Variants in WIF1 observed in about 807,000 individuals in gnomAD.
WIF1 encodes the protein Wnt inhibitory factor 1.
WIF1 carries 35 observed loss-of-function variants against 53.5 expected under a neutral mutation model. The observed-to-expected ratio is 0.65, with a 90% CI of 0.50 to 0.87. The LOEUF (loss-of-function observed/expected upper bound fraction) is 0.87. WIF1 is among the 40% of genes least tolerant of loss of function. The pLI is 0.00. For synonymous variants in WIF1, 171 were observed against 170.4 expected, an observed-to-expected ratio of 1.00 and a Z score of -0.03; for missense variants, 467 against 476.8, an observed-to-expected ratio of 0.98 and a Z score of 0.19.
chr12:65,108,075 G>A (rs768651212), intron 2 of WIF1, among the ~76,000 whole-genome samples: 4 of 152,146 alleles, frequency 2.6e-5, no homozygotes, highest in South Asian at 4.2e-4. Context: ...TCCCCCAGCC[G>A]AGTTAATGCT....
chr12:65,120,683 G>T, intron 1 of WIF1, 127 bp from the exon 2 acceptor site: 1 of 1,111,472 alleles, frequency 9.0e-7, no homozygotes, highest in Non-Finnish European at 1.3e-6. Flanking sequence ...TCTGCCTTCA[G>T]TACCATCAAC....
chr12:65,103,655 T>C (rs1304813205), intron 2 of WIF1, among the ~76,000 whole-genome samples: 1 of 152,202 alleles, frequency 6.6e-6, no homozygotes, highest in East Asian at 1.9e-4. Flanking sequence ...TGAAACTGCA[T>C]TTTTAAAAAT....
chr12:65,058,998 G>A (rs1194122081), intron 7 of WIF1, among the ~76,000 whole-genome samples: 2 of 151,952 alleles, frequency 1.3e-5, no homozygotes, highest in East Asian at 1.9e-4. Flanking sequence ...GTTGCAGAGA[G>A]CCAAGATGGC....
chr12:65,077,168 T>C (rs1477572041), intron 3 of WIF1, among the ~76,000 whole-genome samples: 1 of 152,180 alleles, frequency 6.6e-6, no homozygotes, highest in African/African-American at 2.4e-5. Flanking sequence ...GCTACTAGTA[T>C]TCAAATTAGA....
intron 2 of WIF1, among the ~76,000 whole-genome samples, chr12:65,100,759 AC>A (rs777095215): frequency 1.3e-5 from 2 of 152,050 alleles, no homozygotes; most frequent in Non-Finnish European, 2.9e-5. Context: ...GGTGGCTCAC[AC>A]CTGTAATCCC....
At chr12:65,054,711 A>G (rs1882497348) in intron 9 of WIF1, among the ~76,000 whole-genome samples, 1 of 152,250 alleles carries the variant, frequency 6.6e-6, no homozygotes, top group African/African-American at 2.4e-5. Flanking sequence ...GAATTATAAA[A>G]TCAGAGGTAA....
intron 2 of WIF1, among the ~76,000 whole-genome samples, chr12:65,102,253 TAC>T (rs990773593): frequency 1.3e-5 from 2 of 152,112 alleles, no homozygotes; most frequent in African/African-American, 4.8e-5. Context: ...AGGAGTTATA[TAC>T]AGAGATTTCT....
At chr12:65,118,870 G>C (rs1173512216) in intron 2 of WIF1, among the ~76,000 whole-genome samples, 2 of 122,026 alleles carry the variant, frequency 1.6e-5, no homozygotes, top group African/African-American at 8.1e-5. Flanking sequence ...AGGAGGGAGG[G>C]AGAGGGGGAG....
intron 7 of WIF1, among the ~76,000 whole-genome samples, chr12:65,062,207 A>G (rs1024074050): frequency 6.6e-6 from 1 of 152,204 alleles, no homozygotes; most frequent in Admixed American, 6.5e-5. Context: ...GACTAACAGA[A>G]AACAATGCAA....
At chr12:65,073,334 C>T (rs1882811585) in intron 3 of WIF1, among the ~76,000 whole-genome samples, 1 of 152,168 alleles carries the variant, frequency 6.6e-6, no homozygotes, top group East Asian at 1.9e-4. Flanking sequence ...GCATAAGCAC[C>T]TATTTAACAG....
At chr12:65,054,411 C>T (rs996992908) in intron 9 of WIF1, among the ~76,000 whole-genome samples, 1 of 152,116 alleles carries the variant, frequency 6.6e-6, no homozygotes, top group Non-Finnish European at 1.5e-5. Context: ...TGGTGTGTCC[C>T]CAGTGCTTGG....
chr12:65,084,053 A>G (rs1224302180), intron 2 of WIF1, among the ~76,000 whole-genome samples: 1 of 151,914 alleles, frequency 6.6e-6, no homozygotes, highest in Non-Finnish European at 1.5e-5. Flanking sequence ...GTTTCAATTA[A>G]CAAAGATACT....
At chr12:65,112,449 C>CACA (rs891723914) in intron 2 of WIF1, among the ~76,000 whole-genome samples, 2 of 149,898 alleles carry the variant, frequency 1.3e-5, no homozygotes, top group African/African-American at 5.0e-5. Context: ...CACACACACA[C>CACA]ACCATCCTGG....
chr12:65,115,478 T>C (rs914847198), intron 2 of WIF1, among the ~76,000 whole-genome samples: 6 of 152,354 alleles, frequency 3.9e-5, no homozygotes, highest in South Asian at 2.1e-4. Context: ...TAGAAAGGGT[T>C]ATTTTCCAAA....
In WIF1 at chr12:65,051,455, A is replaced by G; in HGVS notation, c.1034T>C (p.Leu345Pro). Residue 345 changes from leucine to proline, a missense_variant, in exon 10 of 10, where the codon CTC becomes CCC. Coordinates refer to ENST00000286574, the MANE Select transcript of WIF1 (RefSeq NM_007191.5). ...GCCTGCTGGCCTCAGGGCATGTATG[A>G]GGCTGGCTTCGTACCCTGCAAAATT... ...RHCNKRYEAS[L>P]IHALRPAGAQ... 1 of 1,610,322 alleles carries G rather than the reference A, an allele frequency of 6.2e-7. No homozygotes were observed. The highest frequency in any genetic ancestry group is 1.1e-5 in the South Asian group (1 of 90,340).
At chr12:65,065,382 T>C (rs1290574298) in intron 6 of WIF1, among the ~76,000 whole-genome samples, 1 of 152,092 alleles carries the variant, frequency 6.6e-6, no homozygotes. Context: ...TGAATTTGGG[T>C]CAACCTACTC....
At chr12:65,099,555 T>A (rs1244871168) in intron 2 of WIF1, among the ~76,000 whole-genome samples, 1 of 152,182 alleles carries the variant, frequency 6.6e-6, no homozygotes, top group Non-Finnish European at 1.5e-5. Context: ...TTAGCAGAAG[T>A]TAGCAGACAC....
At chr12:65,055,922 A>T in intron 8 of WIF1, 109 bp downstream of exon 8, 2 of 919,224 alleles carry the variant, frequency 2.2e-6, no homozygotes, top group Non-Finnish European at 3.3e-6. Context: ...AAGAAAGGTT[A>T]ACTGTGATGC....
intron 2 of WIF1, among the ~76,000 whole-genome samples, chr12:65,103,031 A>G (rs569610612): frequency 6.6e-6 from 1 of 152,332 alleles, no homozygotes; most frequent in Non-Finnish European, 1.5e-5. Flanking sequence ...TTTCCACTCA[A>G]AATGTTTCCT....
Sources: gnomAD v4.1 joint callset for allele counts (sites outside exome capture counted in the v4.1 genomes callset) on GRCh38, gnomAD v4.1.1 for gene constraint, MANE v1.5 for transcripts, NCBI Gene and HGNC (gene_info 2026-07-23, HGNC 2026-07-21) for gene names.